Variants in DNHD1 observed in about 807,000 individuals in gnomAD.
DNHD1 encodes the protein dynein heavy chain domain 1, also known as dynein heavy chain domain-containing protein 1.
Under a neutral mutation model 458.1 loss-of-function variants are expected in DNHD1, and 383 were observed. The observed-to-expected ratio is 0.84, with a 90% confidence interval of 0.77 to 0.91. The LOEUF (loss-of-function observed/expected upper bound fraction) is 0.91. Ranked by LOEUF, DNHD1 falls within the 40% of genes least tolerant of loss-of-function variation. The probability of loss-of-function intolerance (pLI) is 0.00; values close to 1 mark genes in which losing one functional copy is unlikely to be tolerated. For synonymous variants in DNHD1, 2,203 were observed against 2,376.9 expected, an observed-to-expected ratio of 0.93 and a Z score of 2.13; for missense variants, 5,336 against 5,866.1, an observed-to-expected ratio of 0.91 and a Z score of 2.95.
chr11:6,506,835 G>C (rs1426638004), intron 4 of DNHD1, among the ~76,000 whole-genome samples: 1 of 152,144 alleles, frequency 6.6e-6, no homozygotes, highest in Admixed American at 6.6e-5. Flanking sequence ...GGAGGGGTTT[G>C]GGTTTGTTGT....
Position 6,512,211 on chromosome 11 carries a change from C to CTTTTTT in DNHD1, c.1392+804_1392+809dup, listed in dbSNP as rs11287049. ...CAAGGAATTTCTTTTCTTTTTCTTT[C>CTTTTTT]TTTTTTTTTTTTTTTTTTTTTTTTT... On this transcript the variant is annotated intron_variant, in intron 7 of 42. Coordinates refer to ENST00000254579, the MANE Select transcript of DNHD1 (RefSeq NM_144666.3). 2.8e-3 allele frequency among the ~76,000 whole-genome samples: 255 copies of CTTTTTT among 91,614 alleles called. 9 individuals carry two copies. The highest frequency in any genetic ancestry group is 0.01 in the African/African-American group (217 of 21,334). 60.1% of individuals were successfully genotyped at this position (91,614 alleles called of 152,430 possible). A position where few individuals can be genotyped will look rare whatever the true frequency, so the allele number is the denominator to read the frequency against.
chr11:6,538,655 CAG>C lies in DNHD1; in HGVS notation c.3173_3174del (p.Glu1058GlyfsTer34). The C allele has an allele frequency of 1.9e-6, 3 of 1,546,318 alleles. No homozygotes were observed. Among genetic ancestry groups the C allele is most frequent in the Non-Finnish European group, 2.6e-6 (3 of 1,143,182 alleles). Reference sequence around the variant, plus strand: ...CAGGAGAAGACAGAGGGCTGGCTGACAGAGGCAGCACGGATGAGCACAACCCT... The same window carrying C: ...CAGGAGAAGACAGAGGGCTGGCTGACAGGCAGCACGGATGAGCACAACCCT... On this transcript the variant is annotated frameshift_variant, in exon 16 of 43. Coordinates refer to ENST00000254579, the MANE Select transcript of DNHD1 (RefSeq NM_144666.3).
Position 6,571,137 on chromosome 11 carries a change from C to T in DNHD1, c.13625C>T (p.Pro4542Leu), listed in dbSNP as rs756168546. ...RLPLPWRPHA[P>L]AGPQPPWHWL... ...CCCTTGCCTTGGCGACCTCATGCGC[C>T]GGCCGGTCCGCAGCCGCCCTGGCAC... Residue 4542 changes from proline to leucine, a missense_variant, in exon 42 of 43, where the codon CCG (proline) becomes CTG (leucine). Around this residue, in one of 4 missense-constraint regions of DNHD1, gnomAD observed 698 missense variants for 664.9 expected, o/e 1.05. Coordinates refer to ENST00000254579, the MANE Select transcript of DNHD1 (RefSeq NM_144666.3). This position sits in a 1 kb window ranked among gnomAD's most constrained non-coding sequence, Gnocchi z 5.0. The T allele has an allele frequency of 2.5e-6, 4 of 1,600,748 alleles. 1 individual carries two copies. The highest frequency in any genetic ancestry group is 2.2e-5 in the South Asian group (2 of 90,626).
chr11:6,567,742 C>T lies in DNHD1; in HGVS notation c.12233C>T (p.Pro4078Leu), dbSNP rs1373831524. Residue 4078 changes from proline (P) to leucine (L), a missense_variant, in exon 36 of 43, where the codon CCC becomes CTC. Transcript: ENST00000254579. ...GAAAACACGTATGCTCCCACCATGC[C>T]CTTTAAACATAGTCAGGCTACTCAG... ...LDENTYAPTM[P>L]FKHSQATQPM... 5.0e-6 allele frequency: 8 copies of T among 1,613,864 alleles called. No homozygotes were observed. The highest frequency in any genetic ancestry group is 6.8e-6 in the Non-Finnish European group (8 of 1,179,912).
At chr11:6,502,533 G>T (rs1259161723) in intron 3 of DNHD1, among the ~76,000 whole-genome samples, 1 of 152,142 alleles carries the variant, frequency 6.6e-6, no homozygotes, top group Non-Finnish European at 1.5e-5. Flanking sequence ...ACACATGTTT[G>T]TGTCAATATT....
At chr11:6,531,077 A>G (rs1404193310) in intron 12 of DNHD1, among the ~76,000 whole-genome samples, 1 of 152,178 alleles carries the variant, frequency 6.6e-6, no homozygotes, top group Non-Finnish European at 1.5e-5. Flanking sequence ...ATTATTTGCA[A>G]TACTCTTAGC....
chr11:6,561,163 C>T (rs1253753011), intron 28 of DNHD1, among the ~76,000 whole-genome samples: 1 of 152,194 alleles, frequency 6.6e-6, no homozygotes, highest in Non-Finnish European at 1.5e-5. Flanking sequence ...AGGCCAGGCA[C>T]AGTGGCTCAT....
At chr11:6,541,211 C>A (rs142051455) in intron 18 of DNHD1, among the ~76,000 whole-genome samples, 4 of 152,222 alleles carry the variant, frequency 2.6e-5, no homozygotes, top group Non-Finnish European at 5.9e-5. Context: ...TTATAAGTTC[C>A]CAATTTATAA....
chr11:6,530,659 C>T lies in DNHD1; in HGVS notation c.2347+1538C>T, dbSNP rs11040911. Among the ~76,000 whole-genome samples, 46 of 152,050 alleles carry T rather than the reference C, an allele frequency of 3.0e-4. 1 individual carries two copies. Among genetic ancestry groups the T allele is most frequent in the African/African-American group, 1.1e-3 (46 of 41,436 alleles). Reference sequence around the variant, plus strand: ...GTTTGCTTGTATGCCCTGCTTGCTTCGCCTTCCCTGTCTTGGCTCTCAACA... The same window carrying T: ...GTTTGCTTGTATGCCCTGCTTGCTTTGCCTTCCCTGTCTTGGCTCTCAACA... On this transcript the variant is annotated intron_variant, in intron 12 of 42. Coordinates refer to ENST00000254579, the MANE Select transcript of DNHD1 (RefSeq NM_144666.3).
intron 10 of DNHD1, among the ~76,000 whole-genome samples, chr11:6,523,537 G>A (rs1852647573): frequency 6.6e-6 from 1 of 152,106 alleles, no homozygotes; most frequent in South Asian, 2.1e-4. Context: ...GTAAAGATCT[G>A]TATCATTGAA....
At chr11:6,524,071 G>A (rs1006603864) in intron 10 of DNHD1, among the ~76,000 whole-genome samples, 2 of 152,092 alleles carry the variant, frequency 1.3e-5, no homozygotes, top group African/African-American at 4.8e-5. Flanking sequence ...GTTTTGTTTT[G>A]TTGGTATGTT....
rs1853196032 is a variant in DNHD1 at position 6,545,644 on chromosome 11, A to G, written c.4705A>G (p.Ser1569Gly). Residue 1569 changes from serine to glycine, a missense_variant, in exon 21 of 43, where the codon AGC (serine) becomes GGC (glycine). Ser to Gly is a moderately conservative substitution (Grantham distance 56). Coordinates refer to ENST00000254579, the MANE Select transcript of DNHD1 (RefSeq NM_144666.3). This position sits in a 1 kb window ranked among gnomAD's most constrained non-coding sequence, Gnocchi z 4.9. ...GQSLPSVRQT[S>G]LLSALLVMAV... ...GTCCCTGCCTTCTGTCCGCCAGACCAGCCTTCTCAGTGCCCTGCTGGTCAT... is the reference window on the plus strand; with the variant it reads ...GTCCCTGCCTTCTGTCCGCCAGACCGGCCTTCTCAGTGCCCTGCTGGTCAT... The G allele has an allele frequency of 6.4e-7, 1 of 1,551,808 alleles. No individual in the cohort carries two copies. Among genetic ancestry groups the G allele is most frequent in the Non-Finnish European group, 8.7e-7 (1 of 1,147,012 alleles).
chr11:6,509,292 A>C lies in DNHD1; in HGVS notation c.1235+20A>C, dbSNP rs373905370. On this transcript the variant is annotated intron_variant, in intron 6 of 42. Coordinates refer to ENST00000254579, the MANE Select transcript of DNHD1 (RefSeq NM_144666.3). ...TAGCAGGTGAGGTATTAAAAACACA[A>C]CTTCATTGAGTTTTTAAAAATTAGT... is the stretch of plus-strand genomic sequence containing the variant. The C allele has an allele frequency of 1.4e-4, 227 of 1,586,228 alleles. No homozygotes were observed. In the African/African-American group the frequency reaches 2.8e-3, roughly 20 times the overall value.
At chr11:6,565,091 G>C (rs1853670036) in intron 32 of DNHD1, among the ~76,000 whole-genome samples, 1 of 152,172 alleles carries the variant, frequency 6.6e-6, no homozygotes, top group Non-Finnish European at 1.5e-5. Context: ...GAATATTTCT[G>C]TTGGCTCTGT....
At chr11:6,544,041 G>A (rs1394081488) in intron 18 of DNHD1, 80 bp from the exon 19 acceptor site, 1 of 1,426,944 alleles carries the variant, frequency 7.0e-7, no homozygotes, top group East Asian at 2.6e-5. Flanking sequence ...TCTCCTGGAA[G>A]GTTCCCCTGG....
chr11:6,532,272 A>G (rs1354745854), intron 12 of DNHD1, among the ~76,000 whole-genome samples: 1 of 152,184 alleles, frequency 6.6e-6, no homozygotes, highest in Admixed American at 6.5e-5. Flanking sequence ...TGTTAGTGGT[A>G]TATAAAATAA....
Position 6,545,592 on chromosome 11 carries a change from G to A in DNHD1, c.4653G>A (p.Arg1551=), listed in dbSNP as rs1390690835. 2.6e-6 allele frequency: 4 copies of A among 1,551,830 alleles called. No homozygotes were observed. The highest frequency in any genetic ancestry group is 3.5e-6 in the Non-Finnish European group (4 of 1,147,058). ...TTGAGGTACTGGTGAATTTTATGCGGGCCCAGAGGGCTTCCCAAGGTGGGC... is the reference window on the plus strand; with the variant it reads ...TTGAGGTACTGGTGAATTTTATGCGAGCCCAGAGGGCTTCCCAAGGTGGGC... ...RKLEVLVNFM[R]AQRASQGGQS... The change falls in exon 21 of 43, where the codon CGG becomes CGA. Residue 1551 remains arginine, a synonymous_variant. Coordinates refer to ENST00000254579, the MANE Select transcript of DNHD1 (RefSeq NM_144666.3). The surrounding 1 kb of genome is among the most constrained non-coding windows in gnomAD (Gnocchi z 4.9).
intron 18 of DNHD1, among the ~76,000 whole-genome samples, chr11:6,541,306 C>A (rs917066584): frequency 4.6e-5 from 7 of 152,214 alleles, no homozygotes; most frequent in African/African-American, 1.7e-4. Context: ...GAAACAGCAA[C>A]TTTCCCCCCA....
At position 6,564,042 on chromosome 11, in the gene DNHD1, A is replaced by C. The variant is rs1210777949; in HGVS notation, c.10202A>C (p.Gln3401Pro). 1.3e-6 allele frequency: 2 copies of C among 1,551,732 alleles called. No individual in the cohort carries two copies. Reference sequence around the variant, plus strand: ...AACTGCGTGGCAAAGACCCTCAGTCAAGCACAGTGTGGGCAGTATCACAAA... The same window carrying C: ...AACTGCGTGGCAAAGACCCTCAGTCCAGCACAGTGTGGGCAGTATCACAAA... ...SHNCVAKTLS[Q>P]AQCGQYHKWP... The change falls in exon 31 of 43, where the codon CAA becomes CCA. Residue 3401 changes from glutamine to proline, a missense_variant. Physicochemically the swap from Gln to Pro is moderately conservative, Grantham distance 76. This residue lies in a region of DNHD1 where 3,932 missense variants were observed against 4,365.6 expected (regional missense o/e 0.90). Transcript: ENST00000254579.
Sources: gnomAD v4.1 joint callset for allele counts (sites outside exome capture counted in the v4.1 genomes callset) on GRCh38, gnomAD v4.1.1 for gene constraint, gnomAD v4.1.1 regional missense constraint, Gnocchi (gnomAD v3.1) non-coding constraint, MANE v1.5 for transcripts, NCBI Gene and HGNC (gene_info 2026-07-23, HGNC 2026-07-21) for gene names.